SUCO: variants seen among roughly 807,000 people sequenced by gnomAD.
The protein encoded by SUCO is SUN domain containing ossification factor, also known as SUN domain-containing ossification factor.
Under a neutral mutation model 148.1 loss-of-function variants are expected in SUCO, and 57 were observed. The observed-to-expected ratio is 0.38, with a 90% confidence interval of 0.31 to 0.48. The LOEUF (loss-of-function observed/expected upper bound fraction) is 0.48. Among genes scored for constraint, SUCO ranks in the 20% least tolerant of loss-of-function variants. The probability of loss-of-function intolerance (pLI) is 0.96; values close to 1 mark genes in which losing one functional copy is unlikely to be tolerated. For missense variants in SUCO, 1,331 were observed against 1,468.2 expected (o/e 0.91, Z 1.53); for synonymous variants, 470 against 502.7 (o/e 0.93, Z 0.87).
chr1:172,540,485 G>C (rs889054221), intron 1 of SUCO, among the ~76,000 whole-genome samples: 2 of 152,196 alleles, frequency 1.3e-5, no homozygotes, highest in Admixed American at 6.5e-5. Flanking sequence ...CTGTATTACT[G>C]TATTAGGTGA....
intron 22 of SUCO, 171 bp downstream of exon 22, chr1:172,602,958 C>A: frequency 1.7e-6 from 1 of 575,972 alleles, no homozygotes. Flanking sequence ...TTATATCTGT[C>A]TTTGTTCCTA....
intron 1 of SUCO, among the ~76,000 whole-genome samples, chr1:172,545,409 C>G (rs1022378198): frequency 2.0e-5 from 3 of 152,226 alleles, no homozygotes; most frequent in African/African-American, 7.2e-5. Flanking sequence ...GATTTCAGAA[C>G]CAAACCCTTG....
chr1:172,566,695 C>G (rs140719777), intron 6 of SUCO, among the ~76,000 whole-genome samples: 237 of 152,316 alleles, frequency 1.6e-3, no homozygotes, highest in Non-Finnish European at 2.8e-3. Context: ...GTGGTTTACG[C>G]AGAAATTTCT....
chr1:172,542,734 C>T (rs1305052524), intron 1 of SUCO: 1 of 985,234 alleles, frequency 1.0e-6, no homozygotes, highest in Non-Finnish European at 1.2e-6. Context: ...TAGAGGGAAT[C>T]ATTTTTGAAA....
chr1:172,608,887 C>T (rs1052534721), intron 23 of SUCO, 85 bp downstream of exon 23: 4 of 894,100 alleles, frequency 4.5e-6, no homozygotes, highest in Non-Finnish European at 7.2e-6. Flanking sequence ...AAGGTAATTA[C>T]CTTTAAGTAG....
At chr1:172,572,696 T>TAAAAAAAAAAA (rs61248782) in intron 9 of SUCO, among the ~76,000 whole-genome samples, 1 of 49,600 alleles carries the variant, frequency 2.0e-5, no homozygotes. Context: ...GAATGATCAA[T>TAAAAAAAAAAA]AAAAAAAAAA....
At chr1:172,555,459 A>G (rs368215998) in intron 3 of SUCO, 93 of 966,948 alleles carry the variant, frequency 9.6e-5, no homozygotes, top group African/African-American at 7.0e-4. Context: ...AACATATCTT[A>G]TATCGTTGCT....
intron 1 of SUCO, among the ~76,000 whole-genome samples, chr1:172,549,730 G>A (rs1370712413): frequency 6.6e-6 from 1 of 151,814 alleles, no homozygotes; most frequent in African/African-American, 2.4e-5. Context: ...AGAATGAATT[G>A]ATTTCTCTTT....
chr1:172,581,224 C>T (rs1219960254), intron 15 of SUCO, among the ~76,000 whole-genome samples: 1 of 152,170 alleles, frequency 6.6e-6, no homozygotes, highest in Admixed American at 6.5e-5. Context: ...TGTTTAGATA[C>T]TTCTGTTTGG....
At chr1:172,577,885 T>G (rs1366243163) in intron 13 of SUCO, 66 bp downstream of exon 13, 7 of 1,234,276 alleles carry the variant, frequency 5.7e-6, no homozygotes, top group Non-Finnish European at 6.9e-6. Flanking sequence ...TTTCGATATA[T>G]TTAAAGTGAA....
At chr1:172,536,016 C>T (rs1336624576) in intron 1 of SUCO, among the ~76,000 whole-genome samples, 2 of 152,188 alleles carry the variant, frequency 1.3e-5, no homozygotes, top group Non-Finnish European at 2.9e-5. Flanking sequence ...CATAAATGCA[C>T]TATAGCTGCA....
intron 1 of SUCO, among the ~76,000 whole-genome samples, chr1:172,539,620 A>G (rs1401942542): frequency 6.6e-6 from 1 of 152,190 alleles, no homozygotes; most frequent in Non-Finnish European, 1.5e-5. Flanking sequence ...TACGGTTCAT[A>G]GGTACTAAGC....
chr1:172,579,825 A>C (rs1655742827), intron 15 of SUCO, among the ~76,000 whole-genome samples: 1 of 152,002 alleles, frequency 6.6e-6, no homozygotes, highest in African/African-American at 2.4e-5. Flanking sequence ...CTGACACTTT[A>C]TTTTTCATGG....
intron 21 of SUCO, 123 bp downstream of exon 21, chr1:172,602,341 C>G (rs1657583289): frequency 1.4e-6 from 2 of 1,405,702 alleles, no homozygotes; most frequent in Admixed American, 5.9e-5. Context: ...TATCTTGAAA[C>G]CAAAACATTA....
intron 3 of SUCO, chr1:172,555,300 G>C (rs1197254249): frequency 2.9e-6 from 2 of 688,444 alleles, no homozygotes; most frequent in Non-Finnish European, 3.6e-6. Flanking sequence ...GTTTAGGGTT[G>C]ATCTTGGAGG....
chr1:172,570,616 T>G, intron 8 of SUCO, 47 bp from the exon 9 acceptor site: 1 of 1,262,600 alleles, frequency 7.9e-7, no homozygotes, highest in East Asian at 2.3e-5. Context: ...AAATACTTTC[T>G]TCATTATTCC....
intron 19 of SUCO, among the ~76,000 whole-genome samples, chr1:172,596,876 G>GC (rs1382556653): frequency 4.6e-4 from 70 of 152,356 alleles, no homozygotes; most frequent in Non-Finnish European, 7.3e-4. Flanking sequence ...GCTATGCCCT[G>GC]CCCCCAGAGA....
intron 15 of SUCO, among the ~76,000 whole-genome samples, chr1:172,579,872 G>T (rs1655746746): frequency 6.6e-6 from 1 of 152,008 alleles, no homozygotes; most frequent in South Asian, 2.1e-4. Flanking sequence ...TGATGTTTTT[G>T]ATTATTTCTG....
intron 18 of SUCO, chr1:172,590,270 A>G: frequency 1.3e-5 from 12 of 922,698 alleles, no homozygotes; most frequent in Non-Finnish European, 1.6e-5. Flanking sequence ...AAATGATAGT[A>G]TATAGACCTT....
Sources: allele counts gnomAD v4.1 joint callset (sites outside exome capture counted in the v4.1 genomes callset), GRCh38; gene constraint gnomAD v4.1.1; transcripts MANE v1.5; gene names NCBI Gene and HGNC (gene_info 2026-07-23, HGNC 2026-07-21).